Variants in PRKCB observed in about 807,000 individuals in gnomAD.
PRKCB encodes protein kinase C beta type.
PRKCB carries 13 observed loss-of-function variants against 81.5 expected under a neutral mutation model. That is an observed-to-expected ratio of 0.16 (90% CI 0.10 to 0.25). The LOEUF is 0.25. Among genes scored for constraint, PRKCB ranks in the 10% least tolerant of loss-of-function variants. The pLI is 1.00. For missense variants in PRKCB, 509 were observed against 875.7 expected (o/e 0.58, Z 5.29); for synonymous variants, 335 against 321.4 (o/e 1.04, Z -0.45).
At chr16:24,166,506 C>T (rs1442141731) in intron 10 of PRKCB, among the ~76,000 whole-genome samples, 1 of 152,046 alleles carries the variant, frequency 6.6e-6, no homozygotes, top group Non-Finnish European at 1.5e-5. Flanking sequence ...AAATCAGGAA[C>T]GTAAGTGCTT....
At chr16:24,167,976 C>T (rs1429332812) in intron 10 of PRKCB, among the ~76,000 whole-genome samples, 3 of 152,206 alleles carry the variant, frequency 2.0e-5, no homozygotes, top group Non-Finnish European at 4.4e-5. Flanking sequence ...CAGCTCATCA[C>T]GTGGTAAGTA....
In PRKCB at chr16:24,035,500, G is replaced by A. The variant is rs1260666109; in HGVS notation, c.482G>A (p.Arg161His). ...CGTDHTERRG[R>H]IYIQAHIDRD... The stretch of plus-strand genomic sequence containing the variant: ...ACGGACCACACGGAGCGCCGCGGCC[G>A]CATCTACATCCAGGCCCACATCGAC... The change falls in exon 5 of 17, where the codon CGC (arginine) becomes CAC (histidine). Residue 161 changes from arginine to histidine, a missense_variant. By Grantham distance (29) the Arg-to-His change is conservative. Coordinates refer to ENST00000643927, the MANE Select transcript of PRKCB (RefSeq NM_002738.7). 1.9e-6 allele frequency: 3 copies of A among 1,614,000 alleles called. No homozygotes were observed. Among genetic ancestry groups the A allele is most frequent in the Non-Finnish European group, 2.5e-6 (3 of 1,180,016 alleles).
chr16:23,996,884 A>G (rs1964964174), intron 3 of PRKCB, among the ~76,000 whole-genome samples: 1 of 152,146 alleles, frequency 6.6e-6, no homozygotes, highest in Admixed American at 6.5e-5. Context: ...CCAGAAGGCT[A>G]TATATGCTCT....
intron 2 of PRKCB, among the ~76,000 whole-genome samples, chr16:23,877,677 C>T (rs8056918): frequency 0.79 from 119,543 of 152,180 alleles, 47,077 homozygotes; most frequent in East Asian, 0.98. Context: ...CATGTTCTCA[C>T]TGATTTCATT....
intron 15 of PRKCB, among the ~76,000 whole-genome samples, chr16:24,186,001 C>T (rs978658739): frequency 1.3e-5 from 2 of 152,056 alleles, no homozygotes; most frequent in Non-Finnish European, 2.9e-5. Flanking sequence ...TAAAAAATAC[C>T]ACGCCGTGTT....
chr16:23,999,348 G>A (rs150587854), intron 3 of PRKCB, among the ~76,000 whole-genome samples: 1 of 152,348 alleles, frequency 6.6e-6, no homozygotes, highest in Non-Finnish European at 1.5e-5. Context: ...TCCAAGCCCA[G>A]TCTGAGCCAG....
intron 2 of PRKCB, among the ~76,000 whole-genome samples, chr16:23,854,856 T>G (rs907141101): frequency 6.6e-6 from 1 of 152,136 alleles, no homozygotes; most frequent in African/African-American, 2.4e-5. Context: ...TAGTGTGCAT[T>G]TCTGAAAATG....
At chr16:23,912,572 G>A (rs1489294940) in intron 2 of PRKCB, among the ~76,000 whole-genome samples, 4 of 130,092 alleles carry the variant, frequency 3.1e-5, no homozygotes, top group African/African-American at 5.9e-5. Flanking sequence ...GAGTGCAGTG[G>A]CGTGATCTAG....
intron 2 of PRKCB, among the ~76,000 whole-genome samples, chr16:23,924,031 C>G (rs114368081): frequency 6.6e-6 from 1 of 151,962 alleles, no homozygotes; most frequent in African/African-American, 2.4e-5. Flanking sequence ...ACTTTGTGTC[C>G]CCACCCAAAT....
intron 5 of PRKCB, among the ~76,000 whole-genome samples, chr16:24,036,817 C>A (rs778133895): frequency 6.6e-6 from 1 of 152,134 alleles, no homozygotes; most frequent in Admixed American, 6.5e-5. Context: ...GATTGAGGTT[C>A]CCGATGCTGG....
rs33975464 is a variant in PRKCB, at chr16:24,135,310, CT to C, written c.1065+11349del. On this transcript the variant is annotated intron_variant, in intron 9 of 16. Coordinates refer to ENST00000643927, the MANE Select transcript of PRKCB (RefSeq NM_002738.7). ...TTCCAGGCCCCAGACCTCAGTGTCC[CT>C]TTTTTTTTTTTTTTTTTTTCCTTTT... Among the ~76,000 whole-genome samples, 373 of 112,254 alleles carry C rather than the reference CT, an allele frequency of 3.3e-3. 1 individual carries two copies. The highest frequency in any genetic ancestry group is 6.3e-3 in the Admixed American group (62 of 9,770). The allele number at this position is 112,254 out of a possible 152,430, so 73.6% of individuals were successfully genotyped here.
intron 2 of PRKCB, among the ~76,000 whole-genome samples, chr16:23,984,815 G>C (rs1964780775): frequency 6.6e-6 from 1 of 152,126 alleles, no homozygotes. Context: ...AGTGTAGAGA[G>C]GGAGAGGGAG....
intron 13 of PRKCB, among the ~76,000 whole-genome samples, chr16:24,183,082 G>T (rs1381880804): frequency 6.6e-6 from 1 of 151,826 alleles, no homozygotes; most frequent in Non-Finnish European, 1.5e-5. Flanking sequence ...GGATGGTCGC[G>T]ATCTCCTGAC....
chr16:23,912,140 C>T, intron 2 of PRKCB, among the ~76,000 whole-genome samples: 1 of 152,008 alleles, frequency 6.6e-6, no homozygotes, highest in East Asian at 1.9e-4. Context: ...CTGCGCCACC[C>T]CTTTATACCC....
At chr16:23,885,909 C>T (rs576601957) in intron 2 of PRKCB, among the ~76,000 whole-genome samples, 13 of 152,202 alleles carry the variant, frequency 8.5e-5, no homozygotes, top group Admixed American at 2.6e-4. Context: ...CTTTTTGACT[C>T]GATATTGGGC....
At chr16:23,836,399 C>G (rs1259091756) in intron 1 of PRKCB, 51 bp downstream of exon 1, 1 of 1,581,246 alleles carries the variant, frequency 6.3e-7, no homozygotes, top group Non-Finnish European at 8.6e-7. Flanking sequence ...GGCAGCGCCG[C>G]GCCAGGGACC....
At chr16:24,021,010 T>TTCTG (rs1404942305) in intron 3 of PRKCB, among the ~76,000 whole-genome samples, 1 of 141,436 alleles carries the variant, frequency 7.1e-6, no homozygotes, top group Non-Finnish European at 1.5e-5. Flanking sequence ...CTTTCTTTCT[T>TTCTG]TCTTTCTTTC....
rs371112656 is a variant in PRKCB, at chr16:24,120,724, A to T, written c.919-3111A>T. Among the ~76,000 whole-genome samples, 20 of 138,510 alleles carry T rather than the reference A, an allele frequency of 1.4e-4. 2 individuals carry two copies. Among genetic ancestry groups the T allele is most frequent in the Admixed American group, 7.2e-4 (10 of 13,896 alleles). The allele number at this position is 138,510 out of a possible 152,430, so 90.9% of individuals were successfully genotyped here. On this transcript the variant is annotated intron_variant, in intron 8 of 16. Transcript: ENST00000643927. ...ACTTTGTTCAGTCTACACTGCAGAC[A>T]ACTGAGTCCATCATTTTTTTTTCTT...
chr16:24,153,420 G>A (rs896643139), intron 9 of PRKCB, among the ~76,000 whole-genome samples: 2 of 152,178 alleles, frequency 1.3e-5, no homozygotes, highest in African/African-American at 2.4e-5. Flanking sequence ...ATGTAATGGT[G>A]GTTAGTATTG....
Sources: allele counts gnomAD v4.1 joint callset (sites outside exome capture counted in the v4.1 genomes callset), GRCh38; gene constraint gnomAD v4.1.1; transcripts MANE v1.5; gene names NCBI Gene and HGNC (gene_info 2026-07-23, HGNC 2026-07-21).